Variants in GALNT17 observed in about 807,000 individuals in gnomAD.
The protein encoded by GALNT17 is polypeptide N-acetylgalactosaminyltransferase 17.
A neutral mutation model predicts 63.7 loss-of-function variants in GALNT17; 29 were observed. The observed-to-expected ratio is 0.46, with a 90% CI of 0.34 to 0.62. The LOEUF (loss-of-function observed/expected upper bound fraction) is 0.62, where lower values mean the gene tolerates loss of function less well. Ranked by LOEUF, GALNT17 falls within the 20% of genes least tolerant of loss-of-function variation. The pLI, the probability that GALNT17 is intolerant of heterozygous loss-of-function variation, is 0.01. For synonymous variants in GALNT17, 305 were observed against 318.3 expected (o/e 0.96, Z 0.45); for missense variants, 603 against 799.6 (o/e 0.75, Z 2.97).
At chr7:71,481,456 A>C (rs1453454682) in intron 5 of GALNT17, among the ~76,000 whole-genome samples, 1 of 152,180 alleles carries the variant, frequency 6.6e-6, no homozygotes, top group African/African-American at 2.4e-5. Flanking sequence ...TCTCAAAAAA[A>C]AGAAAAAGGC....
intron 6 of GALNT17, among the ~76,000 whole-genome samples, chr7:71,594,536 C>T (rs945704927): frequency 6.6e-6 from 1 of 152,056 alleles, no homozygotes; most frequent in Non-Finnish European, 1.5e-5. Context: ...GTGATCCGCC[C>T]ACCTCAGTCT....
At chr7:71,167,045 CTTTTTTT>C (rs35735311) in intron 1 of GALNT17, among the ~76,000 whole-genome samples, 26 of 115,486 alleles carry the variant, frequency 2.3e-4, no homozygotes, top group Non-Finnish European at 8.7e-5. Flanking sequence ...TGGCTAAGTA[CTTTTTTT>C]TTTTTTTTTT....
intron 8 of GALNT17, among the ~76,000 whole-genome samples, chr7:71,676,722 C>A (rs1791155964): frequency 6.6e-6 from 1 of 152,102 alleles, no homozygotes; most frequent in African/African-American, 2.4e-5. Context: ...CAAATAATGA[C>A]CTGAGAAGCT....
intron 8 of GALNT17, among the ~76,000 whole-genome samples, chr7:71,671,751 C>T (rs750153632): frequency 8.5e-5 from 13 of 152,182 alleles, no homozygotes; most frequent in Non-Finnish European, 1.8e-4. Context: ...CATGGCCAAG[C>T]ACCGTGGCTC....
At chr7:71,416,392 A>G (rs1398716999) in intron 4 of GALNT17, among the ~76,000 whole-genome samples, 1 of 152,152 alleles carries the variant, frequency 6.6e-6, no homozygotes, top group African/African-American at 2.4e-5. Context: ...TGGGTGGATC[A>G]TTTGAGGTCA....
At chr7:71,327,319 A>G (rs1791721805) in intron 1 of GALNT17, among the ~76,000 whole-genome samples, 1 of 152,196 alleles carries the variant, frequency 6.6e-6, no homozygotes, top group African/African-American at 2.4e-5. Flanking sequence ...TCATGGTGGA[A>G]GGGGAAAGGC....
chr7:71,430,617 A>G (rs1347551890), intron 5 of GALNT17, among the ~76,000 whole-genome samples: 4 of 152,206 alleles, frequency 2.6e-5, no homozygotes, highest in African/African-American at 7.2e-5. Flanking sequence ...GCAATGATTA[A>G]CAATTTAGCA....
intron 3 of GALNT17, among the ~76,000 whole-genome samples, chr7:71,408,950 T>C (rs1793380166): frequency 1.3e-5 from 2 of 151,564 alleles, no homozygotes; most frequent in Non-Finnish European, 2.9e-5. Flanking sequence ...TATATATATA[T>C]ACTGTATATG....
At chr7:71,297,334 A>C (rs1046559422) in intron 1 of GALNT17, among the ~76,000 whole-genome samples, 1 of 152,132 alleles carries the variant, frequency 6.6e-6, no homozygotes, top group African/African-American at 2.4e-5. Flanking sequence ...CCTGAGGTCT[A>C]GGAGTTTGAG....
chr7:71,462,711 A>G (rs1267313605), intron 5 of GALNT17, among the ~76,000 whole-genome samples: 1 of 152,188 alleles, frequency 6.6e-6, no homozygotes, highest in East Asian at 1.9e-4. Flanking sequence ...CAGATAGGTG[A>G]GAGACAAATG....
intron 6 of GALNT17, among the ~76,000 whole-genome samples, chr7:71,662,601 A>T (rs1176519954): frequency 6.6e-6 from 1 of 152,084 alleles, no homozygotes; most frequent in Non-Finnish European, 1.5e-5. Context: ...TATTTACCAG[A>T]CATTTCATAT....
At chr7:71,376,351 A>G (rs1792724340) in intron 2 of GALNT17, among the ~76,000 whole-genome samples, 1 of 145,460 alleles carries the variant, frequency 6.9e-6, no homozygotes, top group South Asian at 2.2e-4. Context: ...AACTGTCTGC[A>G]TTAATTTACC....
chr7:71,332,972 G>A (rs376176764), intron 1 of GALNT17, among the ~76,000 whole-genome samples: 1 of 152,204 alleles, frequency 6.6e-6, no homozygotes. Flanking sequence ...ACAGGCGTGA[G>A]CCATGGCCCC....
intron 9 of GALNT17, among the ~76,000 whole-genome samples, chr7:71,686,545 T>A (rs1272172047): frequency 7.8e-5 from 1 of 12,824 alleles, no homozygotes; most frequent in Admixed American, 1.7e-3. Context: ...CATACCAGGC[T>A]TTTTTATTTT....
chr7:71,708,618 G>A (rs1791751791), intron 9 of GALNT17, among the ~76,000 whole-genome samples: 1 of 152,178 alleles, frequency 6.6e-6, no homozygotes, highest in Non-Finnish European at 1.5e-5. Context: ...AGGGTGTATT[G>A]CATGATGCTG....
At position 71,294,392 on chromosome 7, in the gene GALNT17, A is replaced by G. The variant is rs113064381; in HGVS notation, c.239-41158A>G. Among the ~76,000 whole-genome samples the G allele has an allele frequency of 3.5e-3, 495 of 140,174 alleles. 1 individual carries two copies. Among genetic ancestry groups the G allele is most frequent in the Non-Finnish European group, 6.3e-3 (412 of 64,984 alleles). 92.0% of individuals were successfully genotyped at this position (140,174 alleles called of 152,430 possible). On this transcript the variant is annotated intron_variant, in intron 1 of 10. Coordinates refer to ENST00000333538, the MANE Select transcript of GALNT17 (RefSeq NM_022479.3). ...CACAATATGCATATTGTTTTGCTTG[A>G]TGATGTCTCATAAGTCCTTTTTTTT...
intron 1 of GALNT17, among the ~76,000 whole-genome samples, chr7:71,228,104 T>G (rs929793540): frequency 1.3e-5 from 2 of 152,102 alleles, no homozygotes; most frequent in African/African-American, 2.4e-5. Flanking sequence ...AGGGACTTGC[T>G]TGGTGTGTGT....
intron 6 of GALNT17, among the ~76,000 whole-genome samples, chr7:71,628,916 C>T (rs912447711): frequency 3.3e-5 from 5 of 151,954 alleles, no homozygotes; most frequent in African/African-American, 7.2e-5. Context: ...TGGATGACAG[C>T]GAGACTCTGT....
chr7:71,152,018 G>A (rs2040970), intron 1 of GALNT17, among the ~76,000 whole-genome samples: 40,662 of 152,038 alleles, frequency 0.27, 5,862 homozygotes, highest in Middle Eastern at 0.35. Context: ...AATGGAGTTC[G>A]GGGAAGAATA....
Sources: allele counts gnomAD v4.1 joint callset (sites outside exome capture counted in the v4.1 genomes callset), GRCh38; gene constraint gnomAD v4.1.1; transcripts MANE v1.5; gene names NCBI Gene and HGNC (gene_info 2026-07-23, HGNC 2026-07-21).